NRXN3: variants seen among roughly 807,000 people sequenced by gnomAD.
NRXN3 encodes neurexin 3.
Under a neutral mutation model 137.6 loss-of-function variants are expected in NRXN3, and 32 were observed. The ratio of observed to expected loss-of-function variants is 0.23; its 90% confidence interval spans 0.18 to 0.31. The LOEUF (loss-of-function observed/expected upper bound fraction) is 0.31. NRXN3 is among the 10% of genes least tolerant of loss of function. NRXN3 has a pLI of 1.00. For synonymous variants in NRXN3, 798 were observed against 784.5 expected, an observed-to-expected ratio of 1.02 and a Z score of -0.29; for missense variants, 1,574 against 2,062.5, an observed-to-expected ratio of 0.76 and a Z score of 4.59.
At chr14:79,043,248 A>G (rs1195531988) in intron 15 of NRXN3, among the ~76,000 whole-genome samples, 1 of 152,032 alleles carries the variant, frequency 6.6e-6, no homozygotes, top group East Asian at 1.9e-4. Flanking sequence ...TTTATGGTTC[A>G]TCAGTTTGCT....
Position 78,967,373 on chromosome 14 carries a change from T to G in NRXN3, c.2943T>G (p.Asn981Lys). 1 of 1,613,522 alleles carries G rather than the reference T, an allele frequency of 6.2e-7. No homozygotes were observed. The highest frequency in any genetic ancestry group is 8.5e-7 in the Non-Finnish European group (1 of 1,179,722). Residue 981 changes from asparagine to lysine, a missense_variant, in exon 13 of 21, where the codon AAT becomes AAG. Around this residue, in one of 5 missense-constraint regions of NRXN3, gnomAD observed 718 missense variants for 887.6 expected, o/e 0.81. Transcript: ENST00000335750. ...CCAAAGTGGTCACTCAGGTTATCAA[T>G]GGTGCCAAAAATCTGGATTTGAAAG... ...VDTKVVTQVINGAKNLDLKGD... is the reference protein window; with the variant it reads ...VDTKVVTQVIKGAKNLDLKGD...
intron 17 of NRXN3, among the ~76,000 whole-genome samples, chr14:79,668,930 T>G (rs189864270): frequency 6.6e-6 from 1 of 151,372 alleles, no homozygotes; most frequent in Admixed American, 6.6e-5. Flanking sequence ...TAAGAAAGAT[T>G]TTTTTTTTGT....
intron 5 of NRXN3, among the ~76,000 whole-genome samples, chr14:78,645,747 C>T (rs114856917): frequency 3.3e-5 from 5 of 151,650 alleles, no homozygotes; most frequent in East Asian, 1.9e-4. Flanking sequence ...TGAATCTTAT[C>T]GTATTATTGT....
At chr14:78,341,434 G>T (rs1158555377) in intron 4 of NRXN3, among the ~76,000 whole-genome samples, 3 of 152,126 alleles carry the variant, frequency 2.0e-5, no homozygotes, top group Non-Finnish European at 4.4e-5. Context: ...AATATTTTTG[G>T]CTTTGTGGGC....
chr14:79,274,782 A>T (rs2080014083), intron 15 of NRXN3, among the ~76,000 whole-genome samples: 3 of 152,218 alleles, frequency 2.0e-5, no homozygotes, highest in Admixed American at 1.3e-4. Flanking sequence ...CAAACTCAAG[A>T]GATTAAAAAT....
intron 14 of NRXN3, among the ~76,000 whole-genome samples, chr14:78,976,908 A>G (rs2153033735): frequency 6.6e-6 from 1 of 152,308 alleles, no homozygotes; most frequent in Non-Finnish European, 1.5e-5. Flanking sequence ...AGTCTCCTTG[A>G]TGAAGGCATA....
rs143606908 is a variant in NRXN3 at position 79,720,240 on chromosome 14, T to G, written c.4014+22303T>G. Among the ~76,000 whole-genome samples, 381 of 152,092 alleles carry G rather than the reference T, an allele frequency of 2.5e-3. 2 individuals are homozygous for G. The highest frequency in any genetic ancestry group is 8.2e-3 in the African/African-American group (341 of 41,490). On this transcript the variant is annotated intron_variant, in intron 19 of 20. Coordinates refer to ENST00000335750, the MANE Select transcript of NRXN3 (RefSeq NM_001330195.2). ...AGCTCCCATTTATAAAACCATCAGA[T>G]CTCTTGAGACTTATTCACTACTGTA...
At chr14:79,214,202 T>G (rs1398777035) in intron 15 of NRXN3, among the ~76,000 whole-genome samples, 2 of 152,212 alleles carry the variant, frequency 1.3e-5, no homozygotes, top group Admixed American at 6.5e-5. Flanking sequence ...ATAGAATATA[T>G]AGAGAGAAGG....
chr14:78,196,628 G>C (rs1301388172), intron 1 of NRXN3, among the ~76,000 whole-genome samples: 2 of 152,224 alleles, frequency 1.3e-5, no homozygotes, highest in Admixed American at 1.3e-4. Flanking sequence ...CTGCAGGGAA[G>C]GTGCTGCAGT....
chr14:78,785,752 CTT>C (rs780121046), intron 8 of NRXN3, among the ~76,000 whole-genome samples: 8 of 152,170 alleles, frequency 5.3e-5, no homozygotes, highest in Non-Finnish European at 1.2e-4. Context: ...CAACATTAGA[CTT>C]TGCTTAATAC....
chr14:79,589,007 C>T (rs1200492553), intron 16 of NRXN3, among the ~76,000 whole-genome samples: 1 of 152,116 alleles, frequency 6.6e-6, no homozygotes, highest in Non-Finnish European at 1.5e-5. Flanking sequence ...GTAATCTCAG[C>T]ACTTTGGGAG....
Position 78,779,282 on chromosome 14 carries a change from C to A in NRXN3, c.2045-24338C>A, listed in dbSNP as rs577904058. ...AAAGATAAAGGAACAGAAGCAAAAT[C>A]ATTTCAAAAATGTAGAAACATTTAA... On this transcript the variant is annotated intron_variant, in intron 8 of 20. Transcript: ENST00000335750. Among the ~76,000 whole-genome samples the A allele has an allele frequency of 3.3e-3, 499 of 151,876 alleles. 2 individuals carry two copies. The highest frequency in any genetic ancestry group is 0.011 in the African/African-American group (473 of 41,478).
chr14:78,588,588 C>T (rs1325957408), intron 4 of NRXN3, among the ~76,000 whole-genome samples: 1 of 152,232 alleles, frequency 6.6e-6, no homozygotes, highest in Non-Finnish European at 1.5e-5. Flanking sequence ...CTTGGCCTCT[C>T]TGGGCCATGA....
chr14:79,195,709 A>T (rs961868218), intron 15 of NRXN3, among the ~76,000 whole-genome samples: 1 of 152,188 alleles, frequency 6.6e-6, no homozygotes, highest in Non-Finnish European at 1.5e-5. Flanking sequence ...TGCATCTCCA[A>T]GAAGACCCAT....
chr14:79,574,953 A>T (rs1320489814), intron 16 of NRXN3, among the ~76,000 whole-genome samples: 3 of 111,016 alleles, frequency 2.7e-5, no homozygotes, highest in East Asian at 2.3e-4. Flanking sequence ...TTCTTGCTTT[A>T]AAAAAAAATG....
intron 15 of NRXN3, among the ~76,000 whole-genome samples, chr14:79,154,685 C>T (rs1226324008): frequency 6.6e-6 from 1 of 151,802 alleles, no homozygotes; most frequent in Non-Finnish European, 1.5e-5. Flanking sequence ...ATCTGCCCTG[C>T]CTATATCATG....
chr14:78,643,936 A>AT (rs981202376), intron 4 of NRXN3, among the ~76,000 whole-genome samples: 6 of 152,228 alleles, frequency 3.9e-5, no homozygotes, highest in African/African-American at 1.4e-4. Context: ...AAGTCAAGAG[A>AT]TTGAGACCAT....
chr14:78,442,971 A>G (rs923832584), intron 4 of NRXN3, among the ~76,000 whole-genome samples: 4 of 152,296 alleles, frequency 2.6e-5, no homozygotes, highest in Middle Eastern at 3.4e-3. Context: ...TCCTCATTTT[A>G]CATTTGAGGA....
intron 8 of NRXN3, among the ~76,000 whole-genome samples, chr14:78,793,091 T>C (rs2098810568): frequency 1.3e-5 from 2 of 152,294 alleles, no homozygotes; most frequent in South Asian, 4.1e-4. Flanking sequence ...TCACATTGCA[T>C]GCCTGTATCA....
Sources: gnomAD v4.1 joint callset for allele counts (sites outside exome capture counted in the v4.1 genomes callset) on GRCh38, gnomAD v4.1.1 for gene constraint, gnomAD v4.1.1 regional missense constraint, MANE v1.5 for transcripts, NCBI Gene and HGNC (gene_info 2026-07-23, HGNC 2026-07-21) for gene names.